MYO5A: variants seen among roughly 807,000 people sequenced by gnomAD.
MYO5A encodes the protein myosin VA, also known as unconventional myosin-Va.
MYO5A carries 98 observed loss-of-function variants against 249.7 expected under a neutral mutation model. The observed-to-expected ratio is 0.39, with a 90% CI of 0.33 to 0.46. MYO5A has a LOEUF of 0.46. MYO5A is among the 20% of genes least tolerant of loss of function. MYO5A has a pLI of 0.98. For missense variants in MYO5A, 1,696 were observed against 2,308.8 expected, an observed-to-expected ratio of 0.73 and a Z score of 5.44; for synonymous variants, 778 against 810.6, an observed-to-expected ratio of 0.96 and a Z score of 0.68.
intron 1 of MYO5A, among the ~76,000 whole-genome samples, chr15:52,443,274 T>C (rs189174574): frequency 6.6e-6 from 1 of 152,298 alleles, no homozygotes; most frequent in African/African-American, 2.4e-5. Flanking sequence ...AAAATGAGGT[T>C]AGTCAATAAC....
chr15:52,316,030 C>T (rs575168736), intron 40 of MYO5A, among the ~76,000 whole-genome samples: 1 of 151,362 alleles, frequency 6.6e-6, no homozygotes, highest in African/African-American at 2.4e-5. Context: ...GTCAGGAGAT[C>T]GAGACCATCC....
intron 1 of MYO5A, among the ~76,000 whole-genome samples, chr15:52,491,499 G>A (rs2076935385): frequency 6.6e-6 from 1 of 152,088 alleles, no homozygotes; most frequent in Admixed American, 6.5e-5. Context: ...GATAATTAAA[G>A]CCAGCTTTTG....
intron 31 of MYO5A, 35 bp from the exon 32 acceptor site, chr15:52,340,429 G>A (rs370953736): frequency 7.3e-5 from 116 of 1,594,292 alleles, no homozygotes; most frequent in African/African-American, 1.1e-4. Flanking sequence ...AAGGGGAGAC[G>A]ACACCCCGAG....
At chr15:52,441,575 C>T (rs780235956) in intron 1 of MYO5A, among the ~76,000 whole-genome samples, 1 of 152,204 alleles carries the variant, frequency 6.6e-6, no homozygotes, top group African/African-American at 2.4e-5. Context: ...ACTTGTAAGC[C>T]TTTGCTGTAG....
intron 35 of MYO5A, among the ~76,000 whole-genome samples, chr15:52,328,854 T>C (rs920492908): frequency 3.3e-5 from 5 of 152,214 alleles, no homozygotes; most frequent in Admixed American, 2.6e-4. Flanking sequence ...CTCCCTGCCC[T>C]GGGCCTACGT....
chr15:52,366,243 C>A (rs1212927008), intron 23 of MYO5A, among the ~76,000 whole-genome samples: 1 of 152,128 alleles, frequency 6.6e-6, no homozygotes, highest in East Asian at 1.9e-4. Context: ...TAAATGTATA[C>A]TTTTTTCTCA....
Position 52,449,333 on chromosome 15 carries a change from A to G in MYO5A, c.28-16048T>C, listed in dbSNP as rs143848841. Among the ~76,000 whole-genome samples, 819 of 152,172 alleles carry G rather than the reference A, an allele frequency of 5.4e-3. 27 individuals carry two copies. Among genetic ancestry groups the G allele is most frequent in the Admixed American group, 0.038 (578 of 15,264 alleles). On this transcript the variant is annotated intron_variant, in intron 1 of 41. Coordinates refer to ENST00000399233, the MANE Select transcript of MYO5A (RefSeq NM_001382347.1). ...TACAGAATGTTACAAATCTTTCATG[A>G]TCTGGCCCTGTCAACTTCTCCAGTG...
intron 1 of MYO5A, among the ~76,000 whole-genome samples, chr15:52,516,232 C>G (rs2077493117): frequency 6.6e-6 from 1 of 152,162 alleles, no homozygotes; most frequent in Non-Finnish European, 1.5e-5. Context: ...GCCTCGCTTT[C>G]AGGACCCTGG....
At chr15:52,462,010 T>C (rs920058411) in intron 1 of MYO5A, among the ~76,000 whole-genome samples, 3 of 150,448 alleles carry the variant, frequency 2.0e-5, no homozygotes, top group Non-Finnish European at 4.4e-5. Context: ...ATGCCTGTAA[T>C]CCCAGCACTT....
At chr15:52,441,745 A>G (rs1237995978) in intron 1 of MYO5A, among the ~76,000 whole-genome samples, 1 of 152,110 alleles carries the variant, frequency 6.6e-6, no homozygotes, top group African/African-American at 2.4e-5. Context: ...ACCTTATACG[A>G]TCTTCTGCTA....
intron 24 of MYO5A, among the ~76,000 whole-genome samples, chr15:52,363,096 G>T (rs1420684743): frequency 1.3e-5 from 2 of 152,146 alleles, no homozygotes; most frequent in Non-Finnish European, 2.9e-5. Context: ...CACCTACTGG[G>T]TTATAAAGCT....
intron 2 of MYO5A, among the ~76,000 whole-genome samples, chr15:52,432,816 G>T (rs971425246): frequency 1.3e-5 from 2 of 152,082 alleles, no homozygotes; most frequent in Non-Finnish European, 1.5e-5. Context: ...TGCCACCAAT[G>T]AGTCTCCTCT....
chr15:52,324,954 T>G (rs1404061854), intron 36 of MYO5A, among the ~76,000 whole-genome samples: 1 of 152,180 alleles, frequency 6.6e-6, no homozygotes, highest in Non-Finnish European at 1.5e-5. Flanking sequence ...AGTCTTCCAA[T>G]GTAGGAGGAT....
At position 52,310,168 on chromosome 15, in the gene MYO5A, C is replaced by T. The variant is rs960741357; in HGVS notation, c.*3528G>A. Reference sequence around the variant, plus strand: ...CCCCAAATTCCCTATCAGTTGGCTTCGGAATATGTTTTTGTGCTTCTGCAC... The same window carrying T: ...CCCCAAATTCCCTATCAGTTGGCTTTGGAATATGTTTTTGTGCTTCTGCAC... On this transcript the variant is annotated 3_prime_UTR_variant, in exon 42 of 42. Transcript: ENST00000399233. 2 of 152,136 alleles carry T rather than the reference C, an allele frequency of 1.3e-5. No individual in the cohort carries two copies. The highest frequency in any genetic ancestry group is 6.5e-5 in the Admixed American group (1 of 15,272). The allele number at this position is 152,136 out of a possible 1,614,324, so 9.4% of individuals were successfully genotyped here.
chr15:52,512,600 C>T (rs1056764971), intron 1 of MYO5A, among the ~76,000 whole-genome samples: 18 of 152,090 alleles, frequency 1.2e-4, no homozygotes, highest in African/African-American at 4.1e-4. Context: ...AGATTACATA[C>T]AATTTTTCTT....
At chr15:52,416,022 C>T (rs2043465667) in intron 5 of MYO5A, 123 bp downstream of exon 5, 1 of 1,166,962 alleles carries the variant, frequency 8.6e-7, no homozygotes, top group South Asian at 1.4e-5. Flanking sequence ...TGTAGAAAAG[C>T]ATTTTCTTAA....
intron 1 of MYO5A, among the ~76,000 whole-genome samples, chr15:52,440,098 T>A (rs1474987177): frequency 2.6e-5 from 4 of 152,158 alleles, no homozygotes; most frequent in Non-Finnish European, 5.9e-5. Flanking sequence ...TTTGACAGAG[T>A]CTAAAAGAAG....
Position 52,410,465 on chromosome 15 carries a change from A to G in MYO5A, c.624T>C (p.Asn208=). 6.2e-7 allele frequency: 1 copy of G among 1,613,382 alleles called. No homozygotes were observed. Among genetic ancestry groups the G allele is most frequent in the South Asian group, 1.1e-5 (1 of 91,062 alleles). Residue 208 remains asparagine, a synonymous_variant, in exon 6 of 42, where the codon AAT becomes AAC. Transcript: ENST00000399233. ...TATTATCATTCCTGGTTGTTTTAGCATTTCCAATGGACTAAAAAGCAAGGG... is the reference window on the plus strand; with the variant it reads ...TATTATCATTCCTGGTTGTTTTAGCGTTTCCAATGGACTAAAAAGCAAGGG... ...ASNPIMESIG[N]AKTTRNDNSS... is the part of the protein sequence containing the mutation.
intron 1 of MYO5A, among the ~76,000 whole-genome samples, chr15:52,509,482 C>G (rs1031508017): frequency 6.6e-6 from 1 of 152,190 alleles, no homozygotes; most frequent in African/African-American, 2.4e-5. Context: ...GATCAGCTGA[C>G]AGACAGCATG....
Sources: allele counts gnomAD v4.1 joint callset (sites outside exome capture counted in the v4.1 genomes callset), GRCh38; gene constraint gnomAD v4.1.1; transcripts MANE v1.5; gene names NCBI Gene and HGNC (gene_info 2026-07-23, HGNC 2026-07-21).